Variants in NKAIN2 observed in about 807,000 individuals in gnomAD.
NKAIN2 encodes the protein sodium/potassium-transporting ATPase subunit beta-1-interacting protein 2.
A neutral mutation model predicts 32.6 loss-of-function variants in NKAIN2; 14 were observed. The ratio of observed to expected loss-of-function variants is 0.43; its 90% CI spans 0.28 to 0.67. The LOEUF (loss-of-function observed/expected upper bound fraction) is 0.67, where lower values mean the gene tolerates loss of function less well. Among genes scored for constraint, NKAIN2 ranks in the 30% least tolerant of loss-of-function variants. The pLI is 0.17. For synonymous variants in NKAIN2, 80 were observed against 87.2 expected, an observed-to-expected ratio of 0.92 and a Z score of 0.46; for missense variants, 198 against 258.3, an observed-to-expected ratio of 0.77 and a Z score of 1.60.
chr6:123,912,297 TTTTATA>T (rs1251570707), intron 1 of NKAIN2, among the ~76,000 whole-genome samples: 6 of 151,994 alleles, frequency 3.9e-5, no homozygotes, highest in Non-Finnish European at 7.4e-5. Context: ...AATTTATGTA[TTTTATA>T]ATAAATAATG....
intron 4 of NKAIN2, among the ~76,000 whole-genome samples, chr6:124,686,372 C>T (rs1773879408): frequency 6.6e-6 from 1 of 152,138 alleles, no homozygotes; most frequent in Admixed American, 6.6e-5. Flanking sequence ...AGCTTCTGCT[C>T]AGCTTCTGGA....
chr6:124,720,977 C>T (rs1185925863), intron 4 of NKAIN2, among the ~76,000 whole-genome samples: 1 of 152,060 alleles, frequency 6.6e-6, no homozygotes, highest in Non-Finnish European at 1.5e-5. Flanking sequence ...TGTGATAACC[C>T]ATTTCATAGG....
At chr6:124,250,020 A>C (rs1011288462) in intron 1 of NKAIN2, among the ~76,000 whole-genome samples, 1 of 152,080 alleles carries the variant, frequency 6.6e-6, no homozygotes, top group African/African-American at 2.4e-5. Flanking sequence ...CAATGTGAGG[A>C]CATTTGGAAG....
At chr6:124,374,561 G>C in intron 3 of NKAIN2, among the ~76,000 whole-genome samples, 1 of 152,108 alleles carries the variant, frequency 6.6e-6, no homozygotes, top group East Asian at 1.9e-4. Context: ...TAGATTCAGA[G>C]ACCTGACTAG....
chr6:124,103,650 CT>C (rs1784988235), intron 1 of NKAIN2, among the ~76,000 whole-genome samples: 1 of 152,100 alleles, frequency 6.6e-6, no homozygotes, highest in Admixed American at 6.5e-5. Context: ...CATTATACCA[CT>C]TTTTAAGCAA....
At chr6:123,873,016 G>A (rs1202875929) in intron 1 of NKAIN2, among the ~76,000 whole-genome samples, 1 of 152,124 alleles carries the variant, frequency 6.6e-6, no homozygotes, top group Non-Finnish European at 1.5e-5. Context: ...TTTGTTGTTG[G>A]AGTTAAAACT....
intron 1 of NKAIN2, among the ~76,000 whole-genome samples, chr6:123,879,628 G>C (rs1429724318): frequency 1.3e-5 from 2 of 152,122 alleles, no homozygotes; most frequent in East Asian, 1.9e-4. Context: ...CAGTGTTCTA[G>C]CTAATAGGAA....
At chr6:124,508,793 A>G (rs952962049) in intron 3 of NKAIN2, among the ~76,000 whole-genome samples, 1 of 152,108 alleles carries the variant, frequency 6.6e-6, no homozygotes, top group African/African-American at 2.4e-5. Context: ...TGTTGCAGAC[A>G]ATCTTCGATT....
chr6:124,351,402 G>A (rs1798720252), intron 2 of NKAIN2, among the ~76,000 whole-genome samples: 1 of 151,632 alleles, frequency 6.6e-6, no homozygotes, highest in Non-Finnish European at 1.5e-5. Context: ...CTACCCAAGA[G>A]GCTGAAGTGG....
intron 1 of NKAIN2, among the ~76,000 whole-genome samples, chr6:124,250,939 GATT>G (rs1216402904): frequency 6.6e-6 from 1 of 151,882 alleles, no homozygotes; most frequent in East Asian, 1.9e-4. Context: ...GAAAGATAAA[GATT>G]ATTATTTAAA....
chr6:124,298,562 T>A lies in NKAIN2; in HGVS notation c.192+15420T>A, dbSNP rs1273608115. On this transcript the variant is annotated intron_variant, in intron 2 of 6. Transcript: ENST00000368417. Reference sequence around the variant, plus strand: ...TTACCTGTCAACAGCTCTATTTATTTGGGATTATTTTTGTGGGTTATTGTC... The same window carrying A: ...TTACCTGTCAACAGCTCTATTTATTAGGGATTATTTTTGTGGGTTATTGTC... 2.0e-5 allele frequency among the ~76,000 whole-genome samples: 3 copies of A among 152,138 alleles called. No homozygotes were observed. In the East Asian group the frequency reaches 5.8e-4, roughly 29 times the overall value.
At chr6:124,273,581 G>C (rs907855538) in intron 1 of NKAIN2, among the ~76,000 whole-genome samples, 5 of 152,134 alleles carry the variant, frequency 3.3e-5, no homozygotes, top group African/African-American at 1.2e-4. Flanking sequence ...AATTCTGTCA[G>C]ATGACATGAA....
rs571182373 is a variant in NKAIN2, at chr6:124,293,004, T to C, written c.192+9862T>C. Among the ~76,000 whole-genome samples, 10 of 152,250 alleles carry C rather than the reference T, an allele frequency of 6.6e-5. No individual in the cohort carries two copies. The South Asian group carries it at 8.3e-4, about 13-fold the overall frequency. On this transcript the variant is annotated intron_variant, in intron 2 of 6. Transcript: ENST00000368417. ...CTCAATCCTGAAACTAGTGATACTT[T>C]CCTTGTGCATTAGGTTGATCTAATG...
At chr6:124,379,176 GGAAGA>G (rs1562141626) in intron 3 of NKAIN2, among the ~76,000 whole-genome samples, 5 of 54,072 alleles carry the variant, frequency 9.2e-5, no homozygotes, top group Non-Finnish European at 1.5e-4. Context: ...AGGGAGGGAG[GGAAGA>G]GGAGGGGAGG....
intron 1 of NKAIN2, among the ~76,000 whole-genome samples, chr6:124,028,851 G>GTA (rs1259667068): frequency 5.2e-5 from 6 of 114,782 alleles, no homozygotes; most frequent in African/African-American, 1.8e-4. Context: ...GTATATATGT[G>GTA]TGTGTCTATA....
chr6:124,231,887 G>A (rs561186965), intron 1 of NKAIN2, among the ~76,000 whole-genome samples: 1 of 151,258 alleles, frequency 6.6e-6, no homozygotes, highest in Non-Finnish European at 1.5e-5. Context: ...GCACATATAA[G>A]TATATATCTA....
At chr6:123,936,594 T>C (rs1284457411) in intron 1 of NKAIN2, among the ~76,000 whole-genome samples, 1 of 151,978 alleles carries the variant, frequency 6.6e-6, no homozygotes, top group Admixed American at 6.6e-5. Context: ...TGAAGAGGAG[T>C]AATAATATAA....
chr6:124,542,324 G>A (rs1461706533), intron 3 of NKAIN2, among the ~76,000 whole-genome samples: 2 of 152,012 alleles, frequency 1.3e-5, no homozygotes, highest in African/African-American at 2.4e-5. Context: ...ATGGGTGGGA[G>A]GAAAACATAA....
At chr6:124,494,218 G>C (rs1281189167) in intron 3 of NKAIN2, among the ~76,000 whole-genome samples, 1 of 152,092 alleles carries the variant, frequency 6.6e-6, no homozygotes, top group Non-Finnish European at 1.5e-5. Flanking sequence ...TTTATTGTCT[G>C]TGGATTATGA....
Sources: allele counts gnomAD v4.1 joint callset (sites outside exome capture counted in the v4.1 genomes callset), GRCh38; gene constraint gnomAD v4.1.1; transcripts MANE v1.5; gene names NCBI Gene and HGNC (gene_info 2026-07-23, HGNC 2026-07-21).